ANKRD36C: variants seen among roughly 807,000 people sequenced by gnomAD.
ANKRD36C encodes the protein ankyrin repeat domain-containing protein 36C.
ANKRD36C carries 61 observed loss-of-function variants against 276.4 expected under a neutral mutation model. The observed-to-expected ratio is 0.22, with a 90% CI of 0.18 to 0.27. The LOEUF (loss-of-function observed/expected upper bound fraction) is 0.27. Among genes scored for constraint, ANKRD36C ranks in the 10% least tolerant of loss-of-function variants. ANKRD36C has a pLI of 1.00. For synonymous variants in ANKRD36C, 483 were observed against 680.1 expected, an observed-to-expected ratio of 0.71 and a Z score of 4.51; for missense variants, 1,447 against 2,032.3, an observed-to-expected ratio of 0.71 and a Z score of 5.54.
chr2:95,916,157 T>G, exon 37 of ANKRD36C: 4 of 1,605,214 alleles, frequency 2.5e-6, no homozygotes, highest in Non-Finnish European at 3.4e-6. Context: ...AAGGCTGGTT[T>G]TTTCCGAGAA....
At chr2:95,938,006 T>C (rs1221489592) in intron 22 of ANKRD36C, among the ~76,000 whole-genome samples, 1 of 151,988 alleles carries the variant, frequency 6.6e-6, no homozygotes, top group Non-Finnish European at 1.5e-5. Context: ...ATGACCAAAC[T>C]GTGTCAACCT....
exon 52 of ANKRD36C, chr2:95,886,102 C>A (rs1445699188): frequency 1.9e-6 from 3 of 1,610,398 alleles, no homozygotes; most frequent in Admixed American, 1.7e-5. Flanking sequence ...GAAACAGAAT[C>A]TTTCTTGACA....
At chr2:95,937,927 A>G (rs1317010092) in intron 22 of ANKRD36C, among the ~76,000 whole-genome samples, 1 of 152,298 alleles carries the variant, frequency 6.6e-6, no homozygotes, top group Admixed American at 6.5e-5. Flanking sequence ...GCATGAAGAG[A>G]CTTTAATTAA....
intron 32 of ANKRD36C, among the ~76,000 whole-genome samples, chr2:95,922,179 T>C (rs1248658097): frequency 6.6e-6 from 1 of 151,578 alleles, no homozygotes; most frequent in Non-Finnish European, 1.5e-5. Flanking sequence ...ACTTGTCTTT[T>C]ATGCAAGATA....
intron 50 of ANKRD36C, among the ~76,000 whole-genome samples, chr2:95,887,353 T>C (rs1465239563): frequency 6.6e-6 from 1 of 151,086 alleles, no homozygotes; most frequent in Non-Finnish European, 1.5e-5. Flanking sequence ...CAAATCTTCT[T>C]TATGCAAATA....
chr2:95,857,174 T>C, intron 62 of ANKRD36C, 135 bp downstream of exon 82: 1 of 1,082,244 alleles, frequency 9.2e-7, no homozygotes, highest in Non-Finnish European at 1.3e-6. Context: ...TAGTTATAAA[T>C]GCCATGATTC....
exon 36 of ANKRD36C, chr2:95,917,875 T>A: frequency 2.5e-6 from 4 of 1,605,128 alleles, no homozygotes; most frequent in Non-Finnish European, 2.6e-6. Flanking sequence ...TTTTTCTCCG[T>A]CCTTTATTTC....
intron 6 of ANKRD36C, among the ~76,000 whole-genome samples, chr2:95,974,182 T>C (rs1328735927): frequency 5.3e-5 from 8 of 152,238 alleles, no homozygotes; most frequent in African/African-American, 1.9e-4. Context: ...GTGTTTTACA[T>C]TAAAACTATG....
At chr2:95,865,584 C>G (rs1411587491) in intron 60 of ANKRD36C, among the ~76,000 whole-genome samples, 1 of 152,020 alleles carries the variant, frequency 6.6e-6, no homozygotes, top group Non-Finnish European at 1.5e-5. Flanking sequence ...GGGGATAGGA[C>G]CCAAGTCTAA....
chr2:95,909,958 T>A (rs1326449907), intron 42 of ANKRD36C, among the ~76,000 whole-genome samples: 1 of 151,218 alleles, frequency 6.6e-6, no homozygotes, highest in Non-Finnish European at 1.5e-5. Context: ...AGGGGCCTCC[T>A]TAGTTCTCCT....
chr2:95,894,084 A>C (rs1370616046), intron 44 of ANKRD36C: 4 of 315,298 alleles, frequency 1.3e-5, no homozygotes, highest in Non-Finnish European at 2.3e-5. Context: ...GTGCTACATG[A>C]TCCCACATTT....
At chr2:95,892,001 A>C in intron 44 of ANKRD36C, 141 bp from the exon 65 acceptor site, 1 of 1,405,574 alleles carries the variant, frequency 7.1e-7, no homozygotes, top group Non-Finnish European at 9.8e-7. Context: ...GTGTCTGAGG[A>C]CTAGAACATG....
chr2:95,988,050 C>A (rs1679067482), intron 1 of ANKRD36C, among the ~76,000 whole-genome samples: 1 of 151,134 alleles, frequency 6.6e-6, no homozygotes. Flanking sequence ...GTGGCATCAC[C>A]CAATCCGTGA....
At chr2:95,909,986 T>A (rs1021060334) in intron 42 of ANKRD36C, among the ~76,000 whole-genome samples, 2 of 151,298 alleles carry the variant, frequency 1.3e-5, no homozygotes, top group Non-Finnish European at 3.0e-5. Context: ...GTACGGGTTA[T>A]TACAACAAGT....
At position 95,920,065 on chromosome 2, in the gene ANKRD36C, G is replaced by A; in HGVS notation, c.2245+1542C>T. 4.0e-6 allele frequency: 4 copies of A among 1,000,280 alleles called. 1 individual carries two copies. Among genetic ancestry groups the A allele is most frequent in the Non-Finnish European group, 5.6e-6 (4 of 711,120 alleles). The allele number at this position is 1,000,280 out of a possible 1,614,324, so 62.0% of individuals were successfully genotyped here. A position where few individuals can be genotyped will look rare whatever the true frequency, so the allele number is the denominator to read the frequency against. On this transcript the variant is annotated intron_variant, in intron 34 of 66. Transcript: ENST00000456556. ...TCTTCTACTTTGTGTCTTGGGACTG[G>A]AACATGACAGAAATACACTGGTAAG... is the stretch of plus-strand genomic sequence containing the variant.
Position 95,855,804 on chromosome 2 carries a change from C to G in ANKRD36C, c.4457G>C (p.Arg1486Thr), listed in dbSNP as rs371779228. 8 of 1,613,704 alleles carry G rather than the reference C, an allele frequency of 5.0e-6. No individual in the cohort carries two copies. The African/African-American group carries it at 9.3e-5, about 19-fold the overall frequency. ...GCCCTGGAAAGCAAGCTCTTGGTCT[C>G]TTTTTGATGAGTGACTTTGATCATG... Residue 1486 changes from arginine to threonine, a missense_variant, in exon 63 of 67, where the codon AGA (arginine) becomes ACA (threonine). Physicochemically the swap from Arg to Thr is moderately conservative, Grantham distance 71 (BLOSUM62 -1). Around this residue, in one of 13 missense-constraint regions of ANKRD36C, gnomAD observed 437 missense variants for 641.0 expected, o/e 0.68. Transcript: ENST00000456556.
Position 95,921,248 on chromosome 2 carries a change from T to C in ANKRD36C, c.2245+359A>G, listed in dbSNP as rs565016747. Among the ~76,000 whole-genome samples, 145 of 150,710 alleles carry C rather than the reference T, an allele frequency of 9.6e-4. 1 individual carries two copies. The highest frequency in any genetic ancestry group is 3.6e-3 in the Admixed American group (54 of 15,184). On this transcript the variant is annotated intron_variant, in intron 34 of 66. Transcript: ENST00000456556. Reference sequence around the variant, plus strand: ...GTCTTTTCTCAGCAGTACGATGTGATGTCTGTAAAATCTATACTTCCTCTC... The same window carrying C: ...GTCTTTTCTCAGCAGTACGATGTGACGTCTGTAAAATCTATACTTCCTCTC...
At chr2:95,917,177 T>C (rs1265264223) in intron 36 of ANKRD36C, among the ~76,000 whole-genome samples, 1 of 151,604 alleles carries the variant, frequency 6.6e-6, no homozygotes, top group Admixed American at 6.6e-5. Flanking sequence ...TGATGCCTAA[T>C]AGTAACAAAA....
chr2:95,954,685 A>T (rs1678286166), intron 13 of ANKRD36C, among the ~76,000 whole-genome samples: 1 of 152,214 alleles, frequency 6.6e-6, no homozygotes, highest in Non-Finnish European at 1.5e-5. Context: ...TAAAAATTTT[A>T]AAATCCAATT....
Sources: allele counts gnomAD v4.1 joint callset (sites outside exome capture counted in the v4.1 genomes callset), GRCh38; gene constraint gnomAD v4.1.1; regional missense constraint gnomAD v4.1.1; transcripts MANE v1.5; gene names NCBI Gene and HGNC (gene_info 2026-07-23, HGNC 2026-07-21).